The following BRCA1 variants were observed in gnomAD, a reference collection of about 807,000 sequenced individuals.
The protein encoded by BRCA1 is BRCA1 DNA repair associated, also known as breast cancer type 1 susceptibility protein.
Under a neutral mutation model 173.7 loss-of-function variants are expected in BRCA1, and 140 were observed. The observed-to-expected ratio is 0.81, with a 90% CI of 0.70 to 0.93. The LOEUF (loss-of-function observed/expected upper bound fraction) is 0.93. Ranked by LOEUF, BRCA1 falls within the 40% of genes least tolerant of loss-of-function variation. BRCA1 has a pLI of 0.00. For missense variants in BRCA1, 1,983 were observed against 2,172.5 expected, an observed-to-expected ratio of 0.91 and a Z score of 1.73; for synonymous variants, 662 against 756.0, an observed-to-expected ratio of 0.88 and a Z score of 2.04.
In BRCA1 at chr17:43,082,693, C is replaced by G. The variant is rs529130248; in HGVS notation, c.4186-118G>C. The G allele has an allele frequency of 8.8e-5, 96 of 1,086,948 alleles. 1 individual carries two copies. The highest frequency in any genetic ancestry group is 5.3e-5 in the South Asian group (4 of 74,932). 67.3% of individuals were successfully genotyped at this position (1,086,948 alleles called of 1,614,324 possible). ...GGAATTGAAATCACCTAGTATGGAACTACAAGTTCTAGCTGAACACCTTTT... is the reference window on the plus strand; with the variant it reads ...GGAATTGAAATCACCTAGTATGGAAGTACAAGTTCTAGCTGAACACCTTTT... On this transcript the variant is annotated intron_variant, in intron 11 of 22. Coordinates refer to ENST00000357654, the MANE Select transcript of BRCA1 (RefSeq NM_007294.4).
At chr17:43,104,346 G>A in intron 5 of BRCA1, 85 bp from the exon 6 acceptor site, 1 of 1,418,682 alleles carries the variant, frequency 7.0e-7, no homozygotes, top group Non-Finnish European at 9.8e-7. Context: ...GAAACCCTAT[G>A]TATGCTCTTT....
chr17:43,067,255 G>GT lies in BRCA1; in HGVS notation c.5074+352dup, dbSNP rs34267863. On this transcript the variant is annotated intron_variant, in intron 16 of 22. Transcript: ENST00000357654. ...TCAACAAATATTCTTATTTTTTCAC[G>GT]TTTTTTTTTTTTTTTTTTGAGACGG... 2,885 of 172,692 alleles carry GT rather than the reference G, an allele frequency of 0.017. 59 individuals are homozygous for GT. Among genetic ancestry groups the GT allele is most frequent in the Middle Eastern group, 0.025 (9 of 356 alleles). The allele number at this position is 172,692 out of a possible 1,614,324, so 10.7% of individuals were successfully genotyped here.
At chr17:43,082,606 T>C in intron 11 of BRCA1, 31 bp from the exon 12 acceptor site, 1 of 1,608,238 alleles carries the variant, frequency 6.2e-7, no homozygotes. Context: ...ACCAAGAAAA[T>C]GAAATACTTT....
rs80357388 is a variant in BRCA1 at position 43,091,820 on chromosome 17, T to C, written c.3711A>G (p.Ile1237Met). The C allele has an allele frequency of 6.8e-6, 11 of 1,614,046 alleles. No homozygotes were observed. Among genetic ancestry groups the C allele is most frequent in the Non-Finnish European group, 8.5e-6 (10 of 1,180,036 alleles). The change falls in exon 10 of 23, where the codon ATA becomes ATG. Residue 1237 changes from isoleucine (I) to methionine (M), a missense_variant. Coordinates refer to ENST00000357654, the MANE Select transcript of BRCA1 (RefSeq NM_007294.4). ...QHLLFGKVNN[I>M]PSQSTRHSTV... is the part of the protein sequence containing the mutation. Reference sequence around the variant, plus strand: ...TGCTATGCCTAGTAGACTGAGAAGGTATATTGTTTACTTTACCAAATAACA... The same window carrying C: ...TGCTATGCCTAGTAGACTGAGAAGGCATATTGTTTACTTTACCAAATAACA...
chr17:43,127,442 G>A (rs745363083), upstream of BRCA1, among the ~76,000 whole-genome samples: 11 of 152,160 alleles, frequency 7.2e-5, no homozygotes, highest in Non-Finnish European at 1.0e-4. Flanking sequence ...GCACCAATCA[G>A]TGCTCTGTGT....
Position 43,049,481 on chromosome 17 carries a change from T to G in BRCA1, c.5333-287A>C, listed in dbSNP as rs2051115960. Among the ~76,000 whole-genome samples the G allele has an allele frequency of 6.6e-6, 1 of 152,310 alleles. No individual in the cohort carries two copies. The highest frequency in any genetic ancestry group is 1.5e-5 in the Non-Finnish European group (1 of 68,022). On this transcript the variant is annotated intron_variant, in intron 20 of 22. Transcript: ENST00000357654. ...TTGAAAGAAAAAAAAATCAAAGATC[T>G]AATTTCCATTAATTTGCTAAATTGC...
chr17:43,050,473 C>T (rs191530610), intron 20 of BRCA1, among the ~76,000 whole-genome samples: 109 of 151,804 alleles, frequency 7.2e-4, no homozygotes, highest in African/African-American at 2.6e-3. Flanking sequence ...ATTAGTCGGG[C>T]GTGGTGGCAC....
At chr17:43,103,293 C>G (rs1027794168) in intron 6 of BRCA1, among the ~76,000 whole-genome samples, 8 of 151,752 alleles carry the variant, frequency 5.3e-5, no homozygotes, top group Non-Finnish European at 1.0e-4. Flanking sequence ...ATGGTGAAAC[C>G]CCGACTCTAC....
chr17:43,124,213 T>C (rs1415447449), intron 1 of BRCA1, 98 bp from the exon 2 acceptor site: 3 of 785,776 alleles, frequency 3.8e-6, no homozygotes, highest in Non-Finnish European at 6.2e-6. Context: ...AATTTAAGAT[T>C]TGGAAGGTTT....
intron 19 of BRCA1, among the ~76,000 whole-genome samples, chr17:43,056,812 G>A (rs1317545667): frequency 1.3e-5 from 2 of 152,204 alleles, no homozygotes; most frequent in Non-Finnish European, 2.9e-5. Context: ...CTGAACCCGA[G>A]ACGGGAATCC....
chr17:43,046,686 C>T (rs1247983780), intron 22 of BRCA1, among the ~76,000 whole-genome samples: 3 of 147,272 alleles, frequency 2.0e-5, no homozygotes, highest in East Asian at 4.2e-4. Flanking sequence ...ACCCAGGAGG[C>T]GGAGGTTGCA....
chr17:43,078,945 AT>A (rs2052866907), intron 12 of BRCA1, among the ~76,000 whole-genome samples: 1 of 152,218 alleles, frequency 6.6e-6, no homozygotes, highest in Non-Finnish European at 1.5e-5. Context: ...CACGCCTACA[AT>A]CCCAGCACTT....
At chr17:43,147,314 T>C (rs1283175894) in intron 1 of BRCA1, among the ~76,000 whole-genome samples, 1 of 152,144 alleles carries the variant, frequency 6.6e-6, no homozygotes, top group Non-Finnish European at 1.5e-5. Flanking sequence ...CTCAGCCTCC[T>C]GAGTAGCTGG....
chr17:43,116,626 C>A (rs1335515113), intron 2 of BRCA1, among the ~76,000 whole-genome samples: 2 of 152,188 alleles, frequency 1.3e-5, no homozygotes, highest in Non-Finnish European at 2.9e-5. Flanking sequence ...TCAAGTGATT[C>A]TCCTGCCTCA....
intron 6 of BRCA1, among the ~76,000 whole-genome samples, chr17:43,103,722 CACTA>C (rs989912681): frequency 6.6e-6 from 1 of 152,102 alleles, no homozygotes; most frequent in African/African-American, 2.4e-5. Flanking sequence ...TTTCCTTCTT[CACTA>C]ACTTTTTATA....
At chr17:43,105,030 G>C (rs1472115280) in intron 4 of BRCA1, 74 bp from the exon 5 acceptor site, 4 of 1,221,308 alleles carry the variant, frequency 3.3e-6, no homozygotes, top group African/African-American at 1.5e-5. Context: ...AATAAGAAAA[G>C]ACATGTAAAC....
chr17:43,139,005 T>G (rs749060866), intron 1 of BRCA1: 6 of 776,056 alleles, frequency 7.7e-6, no homozygotes, highest in Non-Finnish European at 1.4e-5. Flanking sequence ...AAGCACTAAT[T>G]GCCTATATAC....
At chr17:43,056,174 C>CTTTTTTTTTTTTTTTTTT (rs398058724) in intron 19 of BRCA1, among the ~76,000 whole-genome samples, 2 of 139,876 alleles carry the variant, frequency 1.4e-5, no homozygotes. Flanking sequence ...ATAAAGTGAT[C>CTTTTTTTTTTTTTTTTTT]TTTTTTTTTT....
rs4986845 is a variant in BRCA1, at chr17:43,093,364, T to C, written c.2167A>G (p.Asn723Asp). ...SNTSELKEFVNPSLPREEKEE... is the reference protein window; with the variant it reads ...SNTSELKEFVDPSLPREEKEE... ...TTTTCTTCTCTTGGAAGGCTAGGAT[T>C]GACAAATTCTTTAAGTTCACTGGTA... Residue 723 changes from asparagine (N) to aspartate (D), a missense_variant, in exon 10 of 23, where the codon AAT becomes GAT. Transcript: ENST00000357654. 3.4e-4 allele frequency: 549 copies of C among 1,613,992 alleles called. 4 individuals carry two copies. In the African/African-American group the frequency reaches 6.0e-3, roughly 18 times the overall value.
Sources: gnomAD v4.1 joint callset for allele counts (sites outside exome capture counted in the v4.1 genomes callset) on GRCh38, gnomAD v4.1.1 for gene constraint, MANE v1.5 for transcripts, NCBI Gene and HGNC (gene_info 2026-07-23, HGNC 2026-07-21) for gene names.